Variants in RIMS2 observed in about 807,000 individuals in gnomAD.
The protein encoded by RIMS2 is regulating synaptic membrane exocytosis 2, also known as regulating synaptic membrane exocytosis protein 2.
RIMS2 carries 59 observed loss-of-function variants against 174.4 expected under a neutral mutation model. The ratio of observed to expected loss-of-function variants is 0.34; its 90% confidence interval spans 0.27 to 0.42. The LOEUF (loss-of-function observed/expected upper bound fraction) is 0.42. Among genes scored for constraint, RIMS2 ranks in the 10% least tolerant of loss-of-function variants. The pLI is 1.00. For synonymous variants in RIMS2, 606 were observed against 572.5 expected, an observed-to-expected ratio of 1.06 and a Z score of -0.84; for missense variants, 1,620 against 1,666.3, an observed-to-expected ratio of 0.97 and a Z score of 0.48.
chr8:103,661,542 C>T (rs988710079), intron 1 of RIMS2, among the ~76,000 whole-genome samples: 6 of 152,098 alleles, frequency 3.9e-5, no homozygotes, highest in Admixed American at 1.3e-4. Context: ...CTCGCTCTGT[C>T]ACCCAGGCTG....
rs373725252 is a variant in RIMS2, at chr8:103,940,250, G to C, written c.2548-2523G>C. Among the ~76,000 whole-genome samples the C allele has an allele frequency of 2.9e-4, 44 of 152,288 alleles. No individual in the cohort carries two copies. The East Asian group carries it at 3.9e-3, about 13-fold the overall frequency. On this transcript the variant is annotated intron_variant, in intron 13 of 23. Transcript: ENST00000504942. ...GGGAGGCCTCACAGTCATGGTGGAA[G>C]GCAAGGAGGAGCAAGTCATGTCTTA...
At chr8:103,684,536 CT>C (rs1053986665) in intron 1 of RIMS2, among the ~76,000 whole-genome samples, 3 of 138,004 alleles carry the variant, frequency 2.2e-5, no homozygotes, top group Admixed American at 1.4e-4. Flanking sequence ...CTGGTTCATA[CT>C]TTTTTTATTT....
intron 17 of RIMS2, among the ~76,000 whole-genome samples, chr8:104,010,302 A>C (rs2095716296): frequency 6.6e-6 from 1 of 152,150 alleles, no homozygotes; most frequent in South Asian, 2.1e-4. Flanking sequence ...GATGATTATA[A>C]AATTATTTTT....
intron 1 of RIMS2, among the ~76,000 whole-genome samples, chr8:103,558,476 G>A (rs1251084683): frequency 2.0e-5 from 3 of 152,072 alleles, no homozygotes; most frequent in Admixed American, 1.3e-4. Context: ...TGCCCACCTC[G>A]GCCTCCCAAA....
intron 1 of RIMS2, among the ~76,000 whole-genome samples, chr8:103,670,979 A>T (rs1330127704): frequency 6.6e-6 from 1 of 152,174 alleles, no homozygotes. Context: ...GTTGATAATG[A>T]CATACTTGAG....
chr8:103,515,707 G>A (rs1170043576), intron 1 of RIMS2, among the ~76,000 whole-genome samples: 1 of 152,028 alleles, frequency 6.6e-6, no homozygotes, highest in African/African-American at 2.4e-5. Context: ...AGATTTTTCA[G>A]AATGAACTCT....
At chr8:103,710,828 A>T (rs1278964125) in intron 2 of RIMS2, among the ~76,000 whole-genome samples, 1 of 152,158 alleles carries the variant, frequency 6.6e-6, no homozygotes, top group African/African-American at 2.4e-5. Flanking sequence ...AGTGATTTTT[A>T]AAAATTTTAT....
At chr8:103,634,998 G>T (rs531914337) in intron 1 of RIMS2, among the ~76,000 whole-genome samples, 1 of 152,072 alleles carries the variant, frequency 6.6e-6, no homozygotes, top group Non-Finnish European at 1.5e-5. Flanking sequence ...TTTAAGTGGG[G>T]CATTTAGCCC....
chr8:103,851,734 G>T (rs913727136), intron 3 of RIMS2, among the ~76,000 whole-genome samples: 1 of 150,872 alleles, frequency 6.6e-6, no homozygotes, highest in Non-Finnish European at 1.5e-5. Context: ...GACACTTTTG[G>T]ACTGAAATAA....
chr8:104,123,448 T>C (rs2098402049), intron 19 of RIMS2, among the ~76,000 whole-genome samples: 1 of 152,044 alleles, frequency 6.6e-6, no homozygotes, highest in African/African-American at 2.4e-5. Context: ...AATTTTACAG[T>C]AGTTGTAAGA....
intron 1 of RIMS2, among the ~76,000 whole-genome samples, chr8:103,655,487 A>G (rs1164626928): frequency 2.0e-5 from 3 of 152,034 alleles, no homozygotes; most frequent in African/African-American, 7.2e-5. Context: ...TCCAATGCAA[A>G]TACATTAAAC....
chr8:104,170,328 G>T (rs2098824791), intron 19 of RIMS2, among the ~76,000 whole-genome samples: 1 of 151,950 alleles, frequency 6.6e-6, no homozygotes, highest in African/African-American at 2.4e-5. Context: ...GGGAGTAATT[G>T]TTTGATAAAT....
intron 1 of RIMS2, among the ~76,000 whole-genome samples, chr8:103,519,057 T>A (rs1046147141): frequency 1.3e-5 from 2 of 152,150 alleles, no homozygotes; most frequent in Non-Finnish European, 2.9e-5. Flanking sequence ...CATCTTCCAC[T>A]CCACCCTTTC....
In RIMS2 at chr8:104,011,578, A is replaced by G. The variant is rs12674589; in HGVS notation, c.3045-1864A>G. ...TTTTCACTCATTATCATATTTTTCA[A>G]TTATTAAAAATGATTCTTCACAAAG... is the stretch of plus-strand genomic sequence containing the variant. On this transcript the variant is annotated intron_variant, in intron 17 of 23. Transcript: ENST00000504942. Among the ~76,000 whole-genome samples, 201 of 152,150 alleles carry G rather than the reference A, an allele frequency of 1.3e-3. 7 individuals carry two copies. In the East Asian group the frequency reaches 0.034, roughly 26 times the overall value.
At chr8:103,501,281 T>A in intron 1 of RIMS2, 1 of 241,488 alleles carries the variant, frequency 4.1e-6, no homozygotes. Flanking sequence ...CCGGCTGAGG[T>A]GAGGGTGGCG....
chr8:104,058,000 G>C (rs564595250), intron 19 of RIMS2, among the ~76,000 whole-genome samples: 17 of 152,154 alleles, frequency 1.1e-4, no homozygotes, highest in African/African-American at 3.6e-4. Flanking sequence ...CCACATCTTT[G>C]CTATTGTGAA....
Position 104,099,951 on chromosome 8 carries a change from G to A in RIMS2, c.3334+85336G>A, listed in dbSNP as rs1400922740. The stretch of plus-strand genomic sequence containing the variant: ...TCCCACCTCAGCCTCCTGAATAGTT[G>A]TGACTACAGGGTCACGCCATCACAC... On this transcript the variant is annotated intron_variant, in intron 19 of 23. Transcript: ENST00000504942. Among the ~76,000 whole-genome samples, 11 of 151,418 alleles carry A rather than the reference G, an allele frequency of 7.3e-5. No homozygotes were observed. The South Asian group carries it at 1.0e-3, about 14-fold the overall frequency.
At chr8:103,731,172 A>G (rs1591272091) in intron 2 of RIMS2, among the ~76,000 whole-genome samples, 1 of 152,130 alleles carries the variant, frequency 6.6e-6, no homozygotes, top group Non-Finnish European at 1.5e-5. Context: ...GGGAGCTACA[A>G]TTCATGGTGA....
At chr8:104,081,427 C>T (rs1220984910) in intron 19 of RIMS2, among the ~76,000 whole-genome samples, 1 of 151,806 alleles carries the variant, frequency 6.6e-6, no homozygotes, top group Non-Finnish European at 1.5e-5. Context: ...ATTATACTTA[C>T]AAGTAGTGTT....
Sources: gnomAD v4.1 joint callset for allele counts (sites outside exome capture counted in the v4.1 genomes callset) on GRCh38, gnomAD v4.1.1 for gene constraint, MANE v1.5 for transcripts, NCBI Gene and HGNC (gene_info 2026-07-23, HGNC 2026-07-21) for gene names.